Variants in ADGRE3 observed in about 807,000 individuals in gnomAD.
ADGRE3 encodes EGF-like module receptor 3.
In ADGRE3, 88 loss-of-function variants were observed where a neutral mutation model predicts 80.1. The ratio of observed to expected loss-of-function variants is 1.10; its 90% CI spans 0.93 to 1.31. The LOEUF (loss-of-function observed/expected upper bound fraction) is 1.31. Among genes scored for constraint, ADGRE3 ranks in the 40% most tolerant of loss-of-function variants. The probability of loss-of-function intolerance (pLI) is 0.00; values close to 1 mark genes in which losing one functional copy is unlikely to be tolerated. For missense variants in ADGRE3, 715 were observed against 776.5 expected (o/e 0.92, Z 0.94); for synonymous variants, 281 against 294.8 (o/e 0.95, Z 0.48).
At chr19:14,650,697 C>A (rs968649361) in intron 7 of ADGRE3, among the ~76,000 whole-genome samples, 2 of 149,226 alleles carry the variant, frequency 1.3e-5, no homozygotes, top group Non-Finnish European at 3.0e-5. Flanking sequence ...TCTTCCCACA[C>A]CCCCCCACAC....
At chr19:14,637,946 C>A (rs1232048928) in intron 11 of ADGRE3, among the ~76,000 whole-genome samples, 159 bp downstream of exon 11, 2 of 152,090 alleles carry the variant, frequency 1.3e-5, no homozygotes, top group Non-Finnish European at 2.9e-5. Context: ...CAAACTCTTA[C>A]CACCATCTCA....
chr19:14,629,357 TG>T (rs1420702594), intron 14 of ADGRE3, among the ~76,000 whole-genome samples: 7 of 152,164 alleles, frequency 4.6e-5, no homozygotes, highest in African/African-American at 1.7e-4. Flanking sequence ...GCTGCATTGT[TG>T]ATCTCCACGA....
At chr19:14,672,312 T>C (rs1177330972) in intron 1 of ADGRE3, among the ~76,000 whole-genome samples, 1 of 152,196 alleles carries the variant, frequency 6.6e-6, no homozygotes, top group East Asian at 1.9e-4. Context: ...TCTAAGAAAC[T>C]TTAGAAATCA....
intron 3 of ADGRE3, among the ~76,000 whole-genome samples, chr19:14,662,632 T>C (rs1041445362): frequency 6.6e-6 from 1 of 151,422 alleles, no homozygotes; most frequent in Non-Finnish European, 1.5e-5. Context: ...GTGATCCACC[T>C]GCCTTGGCTT....
At chr19:14,614,926 C>T (rs183545675), downstream of ADGRE3, among the ~76,000 whole-genome samples, 81 of 150,448 alleles carry the variant, frequency 5.4e-4, 1 homozygote, top group Admixed American at 4.2e-3. Context: ...CACTCTGTCA[C>T]CCAGGCTGAA....
At chr19:14,645,496 TA>T (rs1971374865) in intron 8 of ADGRE3, among the ~76,000 whole-genome samples, 1 of 151,782 alleles carries the variant, frequency 6.6e-6, no homozygotes, top group Non-Finnish European at 1.5e-5. Context: ...TCATCGCTAC[TA>T]AAAATACAAA....
rs759479912 is a variant in ADGRE3, at chr19:14,638,243, C to T, written c.1346G>A (p.Arg449Gln). ...TGAGTAGTTGACCACTGTCAGGTTC[C>T]GTGCAGTGAGGAAGAGGTGCACACC... The part of the protein sequence containing the change: ...LEGVHLFLTA[R>Q]NLTVVNYSSI... The change falls in exon 11 of 16, where the codon CGG becomes CAG. Residue 449 changes from arginine (R) to glutamine (Q), a missense_variant. Physicochemically the swap from Arg to Gln is conservative, Grantham distance 43. Coordinates refer to ENST00000253673, the MANE Select transcript of ADGRE3 (RefSeq NM_032571.5). 2.0e-5 allele frequency: 32 copies of T among 1,613,950 alleles called. No homozygotes were observed. Among genetic ancestry groups the T allele is most frequent in the Middle Eastern group, 1.6e-4 (1 of 6,084 alleles).
At chr19:14,665,859 A>C in intron 2 of ADGRE3, among the ~76,000 whole-genome samples, 1 of 144,572 alleles carries the variant, frequency 6.9e-6, no homozygotes, top group Middle Eastern at 3.6e-3. Flanking sequence ...ATAATATAAT[A>C]TACAACATAA....
Position 14,668,794 on chromosome 19 carries a change from G to A in ADGRE3, c.76+8C>T. 2.5e-6 allele frequency: 4 copies of A among 1,613,518 alleles called. No homozygotes were observed. Among genetic ancestry groups the A allele is most frequent in the Non-Finnish European group, 2.5e-6 (3 of 1,179,548 alleles). ...CACAAGTTCTCTGTTCTGGCTCTGA[G>A]CACTCACTTTTGGTTTTCTGAGTCA... On this transcript the variant is annotated splice_region_variant and intron_variant, in intron 2 of 15. Transcript: ENST00000253673.
intron 13 of ADGRE3, among the ~76,000 whole-genome samples, chr19:14,631,933 T>C (rs916868221): frequency 3.1e-5 from 4 of 128,074 alleles, no homozygotes; most frequent in African/African-American, 1.1e-4. Flanking sequence ...TTCAAAAGAC[T>C]ATAAAAAAAT....
At position 14,659,689 on chromosome 19, in the gene ADGRE3, C is replaced by A. The variant is rs527524936; in HGVS notation, c.356-1139G>T. ...TACAAAAATTAGCTGGGCATGTTGG[C>A]GGGTGCCTGTAATCCCAGCTACTCG... On this transcript the variant is annotated intron_variant, in intron 4 of 15. Coordinates refer to ENST00000253673, the MANE Select transcript of ADGRE3 (RefSeq NM_032571.5). Among the ~76,000 whole-genome samples, 11 of 151,330 alleles carry A rather than the reference C, an allele frequency of 7.3e-5. 1 individual carries two copies. In the South Asian group the frequency reaches 2.3e-3, roughly 32 times the overall value.
At chr19:14,673,268 A>G (rs1323056245) in intron 1 of ADGRE3, among the ~76,000 whole-genome samples, 1 of 152,212 alleles carries the variant, frequency 6.6e-6, no homozygotes, top group African/African-American at 2.4e-5. Flanking sequence ...CTATGATGCA[A>G]TTTCTTATCT....
At chr19:14,600,438 A>C in the ADGRE3 span, among the ~76,000 whole-genome samples, 2 of 152,144 alleles carry the variant, frequency 1.3e-5, no homozygotes, top group Non-Finnish European at 1.5e-5. Flanking sequence ...CTAACATGAA[A>C]ATACAATAAT....
intron 4 of ADGRE3, among the ~76,000 whole-genome samples, chr19:14,660,688 C>T (rs1292972115): frequency 6.6e-6 from 1 of 151,924 alleles, no homozygotes; most frequent in Non-Finnish European, 1.5e-5. Flanking sequence ...GGGTGGTCTA[C>T]CAAGTCTCAT....
intron 6 of ADGRE3, 35 bp downstream of exon 6, chr19:14,654,947 T>C: frequency 6.4e-7 from 1 of 1,572,418 alleles, no homozygotes; most frequent in African/African-American, 1.4e-5. Flanking sequence ...TGCTAACCAG[T>C]CCCCAGGGTG....
intron 6 of ADGRE3, among the ~76,000 whole-genome samples, chr19:14,654,206 G>T (rs1011218685): frequency 2.6e-5 from 4 of 151,160 alleles, no homozygotes; most frequent in Non-Finnish European, 5.9e-5. Flanking sequence ...ACCCACCTTG[G>T]CCTCCCAAAG....
At chr19:14,631,952 G>C (rs1202785764) in intron 13 of ADGRE3, among the ~76,000 whole-genome samples, 1 of 151,926 alleles carries the variant, frequency 6.6e-6, no homozygotes, top group South Asian at 2.1e-4. Context: ...ATGTAACAAA[G>C]TTGTCTTATT....
chr19:14,641,786 A>G (rs1325692846), intron 9 of ADGRE3, among the ~76,000 whole-genome samples, 170 bp from the exon 10 acceptor site: 4 of 152,222 alleles, frequency 2.6e-5, no homozygotes, highest in Non-Finnish European at 4.4e-5. Flanking sequence ...CTGCTAATAT[A>G]GATGGCTAAC....
At chr19:14,644,086 G>T in intron 9 of ADGRE3, 22 bp downstream of exon 9, 1 of 1,403,214 alleles carries the variant, frequency 7.1e-7, no homozygotes, top group Non-Finnish European at 9.4e-7. Flanking sequence ...TTTGCTGGAA[G>T]AATAAAACAT....
Sources: allele counts gnomAD v4.1 joint callset (sites outside exome capture counted in the v4.1 genomes callset), GRCh38; gene constraint gnomAD v4.1.1; transcripts MANE v1.5; gene names NCBI Gene and HGNC (gene_info 2026-07-23, HGNC 2026-07-21).